MMP26: variants seen among roughly 807,000 people sequenced by gnomAD.
MMP26 encodes matrix metalloproteinase-26.
In MMP26, 33 loss-of-function variants were observed where a neutral mutation model predicts 31.0. That is an observed-to-expected ratio of 1.06 (90% CI 0.81 to 1.42). The LOEUF is 1.42. Among genes scored for constraint, MMP26 ranks in the 40% most tolerant of loss-of-function variants. The pLI, the probability that MMP26 is intolerant of heterozygous loss-of-function variation, is 0.00. For missense variants in MMP26, 347 were observed against 316.1 expected, an observed-to-expected ratio of 1.10 and a Z score of -0.74; for synonymous variants, 122 against 114.9, an observed-to-expected ratio of 1.06 and a Z score of -0.40.
intron 2 of MMP26, among the ~76,000 whole-genome samples, chr11:4,788,307 C>G (rs908439676): frequency 4.6e-5 from 7 of 151,792 alleles, no homozygotes; most frequent in Non-Finnish European, 7.4e-5. Flanking sequence ...GTGAATCTCA[C>G]TGAGATTCCT....
intron 2 of MMP26, chr11:4,804,179 T>C: frequency 1.2e-6 from 2 of 1,614,152 alleles, no homozygotes; most frequent in Non-Finnish European, 1.7e-6. Context: ...ATGGCCAGCA[T>C]GGCCAGAAAG....
chr11:4,935,206 G>A (rs1009269783), intron 2 of MMP26, among the ~76,000 whole-genome samples: 4 of 151,854 alleles, frequency 2.6e-5, no homozygotes, highest in East Asian at 1.9e-4. Context: ...TCCTACCCAT[G>A]AGCATGGAAT....
chr11:4,835,157 T>C (rs1849699629), intron 2 of MMP26, among the ~76,000 whole-genome samples: 1 of 151,076 alleles, frequency 6.6e-6, no homozygotes, highest in Non-Finnish European at 1.5e-5. Flanking sequence ...TGTTATGAAT[T>C]CTCAATATCT....
intron 2 of MMP26, chr11:4,804,158 C>A: frequency 6.2e-7 from 1 of 1,614,066 alleles, no homozygotes; most frequent in South Asian, 1.1e-5. Flanking sequence ...GAGGAGAGGA[C>A]CAGGTCAGTG....
chr11:4,811,550 C>T (rs1007536319), intron 2 of MMP26, among the ~76,000 whole-genome samples: 3 of 152,142 alleles, frequency 2.0e-5, no homozygotes, highest in African/African-American at 7.2e-5. Context: ...TCATTCTTTG[C>T]AAATCATTTT....
At chr11:4,705,457 C>T (rs10836495) in intron 1 of MMP26, among the ~76,000 whole-genome samples, 19,285 of 152,124 alleles carry the variant, frequency 0.13, 1,624 homozygotes, top group Middle Eastern at 0.22. Flanking sequence ...TATTAATACC[C>T]AATAATGGTG....
At chr11:4,946,509 C>T (rs1315042965) in intron 2 of MMP26, 3 of 1,609,000 alleles carry the variant, frequency 1.9e-6, no homozygotes, top group African/African-American at 1.3e-5. Context: ...CCATAGATAA[C>T]ATCAATTCTG....
chr11:4,816,479 G>T (rs1589909579), intron 2 of MMP26, among the ~76,000 whole-genome samples: 1 of 151,424 alleles, frequency 6.6e-6, no homozygotes. Context: ...TATTATTGTT[G>T]CAGTACCTCT....
intron 2 of MMP26, chr11:4,924,295 G>A: frequency 6.2e-7 from 1 of 1,613,226 alleles, no homozygotes; most frequent in Non-Finnish European, 8.5e-7. Context: ...AGCCCGTCAG[G>A]AAGAAAGTGG....
chr11:4,719,453 C>T (rs1589882773), intron 1 of MMP26: 1 of 153,866 alleles, frequency 6.5e-6, no homozygotes, highest in East Asian at 1.9e-4. Flanking sequence ...ATTGCCAATG[C>T]CTACCTACTA....
At chr11:4,870,958 T>A (rs960020648) in intron 2 of MMP26, among the ~76,000 whole-genome samples, 1 of 151,862 alleles carries the variant, frequency 6.6e-6, no homozygotes, top group Non-Finnish European at 1.5e-5. Context: ...GGAAAAAAGA[T>A]CAAATAAAAG....
chr11:4,938,483 A>G (rs1564810832), intron 2 of MMP26, among the ~76,000 whole-genome samples: 1 of 151,998 alleles, frequency 6.6e-6, no homozygotes, highest in Non-Finnish European at 1.5e-5. Flanking sequence ...ACAAAAAGAA[A>G]GCCAAACATA....
chr11:4,717,471 AAG>A (rs1847949716), intron 1 of MMP26, among the ~76,000 whole-genome samples: 1 of 152,182 alleles, frequency 6.6e-6, no homozygotes. Context: ...TGAAATGAGA[AAG>A]AGATATTAAC....
chr11:4,771,361 A>G (rs1485035533), intron 2 of MMP26, among the ~76,000 whole-genome samples: 1 of 152,168 alleles, frequency 6.6e-6, no homozygotes, highest in East Asian at 1.9e-4. Context: ...GGAGAGTTAT[A>G]TAAGGAAATT....
Position 4,923,838 on chromosome 11 carries a change from A to C in MMP26, c.-144-64230A>C, listed in dbSNP as rs768244069. ...AGCACATGGGAGTGGCAGTATTGGA[A>C]GCGCTTCAGGAGGAATGGCAAGGGG... On this transcript the variant is annotated intron_variant, in intron 2 of 7. Coordinates refer to ENST00000380390, the MANE Select transcript of MMP26 (RefSeq NM_021801.5). The C allele has an allele frequency of 1.2e-6, 2 of 1,613,886 alleles. No homozygotes were observed. Among genetic ancestry groups the C allele is most frequent in the Admixed American group, 3.3e-5 (2 of 59,992 alleles).
rs201626472 is a variant in MMP26 at position 4,942,089 on chromosome 11, C to CAAAAAAAAAAAAAAA, written c.-144-45972_-144-45958dup. On this transcript the variant is annotated intron_variant, in intron 2 of 7. Transcript: ENST00000380390. The stretch of plus-strand genomic sequence containing the variant: ...TGGGCAGCAGAATGAGAGTCCATCT[C>CAAAAAAAAAAAAAAA]AAAAAAAAAAAAAAAAAAAAAGGAA... Among the ~76,000 whole-genome samples the CAAAAAAAAAAAAAAA allele has an allele frequency of 6.7e-4, 25 of 37,116 alleles. 1 individual carries two copies. The highest frequency in any genetic ancestry group is 1.2e-3 in the African/African-American group (11 of 8,946). 24.3% of individuals were successfully genotyped at this position (37,116 alleles called of 152,430 possible).
chr11:4,741,864 T>C (rs987693846), intron 1 of MMP26, among the ~76,000 whole-genome samples: 3 of 152,036 alleles, frequency 2.0e-5, no homozygotes, highest in African/African-American at 7.2e-5. Flanking sequence ...AAAGGGACGC[T>C]TGGAAGTTAC....
At chr11:4,809,339 T>A (rs1042354917) in intron 2 of MMP26, among the ~76,000 whole-genome samples, 3 of 152,200 alleles carry the variant, frequency 2.0e-5, no homozygotes, top group African/African-American at 7.2e-5. Flanking sequence ...AACCTCCATG[T>A]AGGGTTTTGT....
At chr11:4,799,586 A>T (rs1051007718) in intron 2 of MMP26, among the ~76,000 whole-genome samples, 1 of 152,098 alleles carries the variant, frequency 6.6e-6, no homozygotes, top group Admixed American at 6.6e-5. Flanking sequence ...TTCAAATTTT[A>T]TGTCCTTCTC....
Sources: gnomAD v4.1 joint callset for allele counts (sites outside exome capture counted in the v4.1 genomes callset) on GRCh38, gnomAD v4.1.1 for gene constraint, MANE v1.5 for transcripts, NCBI Gene and HGNC (gene_info 2026-07-23, HGNC 2026-07-21) for gene names.